SPTBN4: variants seen among roughly 807,000 people sequenced by gnomAD.
The protein encoded by SPTBN4 is spectrin beta chain, non-erythrocytic 4.
A neutral mutation model predicts 277.8 loss-of-function variants in SPTBN4; 96 were observed. The observed-to-expected ratio is 0.35, with a 90% confidence interval of 0.29 to 0.41. The LOEUF is 0.41. Among genes scored for constraint, SPTBN4 ranks in the 10% least tolerant of loss-of-function variants. SPTBN4 has a pLI of 1.00. For synonymous variants in SPTBN4, 1,481 were observed against 1,580.3 expected (o/e 0.94, Z 1.49); for missense variants, 3,006 against 3,595.7 (o/e 0.84, Z 4.19).
chr19:40,569,989 GAC>G (rs59218483), intron 32 of SPTBN4, among the ~76,000 whole-genome samples: 1,546 of 107,254 alleles, frequency 0.014, 25 homozygotes, highest in African/African-American at 0.052. Flanking sequence ...CACACACACA[GAC>G]ACACACACAC....
intron 20 of SPTBN4, among the ~76,000 whole-genome samples, chr19:40,545,240 C>T (rs1212356107): frequency 6.6e-6 from 1 of 151,872 alleles, no homozygotes; most frequent in Admixed American, 6.6e-5. Context: ...GGATTACAGG[C>T]GTGCATCACC....
In SPTBN4 at chr19:40,504,481, A is replaced by G. The variant is rs372907639; in HGVS notation, c.1665+349A>G. On this transcript the variant is annotated intron_variant, in intron 12 of 35. Coordinates refer to ENST00000598249, the MANE Select transcript of SPTBN4 (RefSeq NM_020971.3). ...CAGCAGTTTCAGACCAGCCTGGCCA[A>G]CATGGTGAAACCCCATCTCTACTAA... Among the ~76,000 whole-genome samples the G allele has an allele frequency of 6.6e-4, 101 of 152,162 alleles. 2 individuals carry two copies. The highest frequency in any genetic ancestry group is 7.2e-4 in the Admixed American group (11 of 15,256).
At chr19:40,510,291 GT>G (rs911828228) in intron 13 of SPTBN4, among the ~76,000 whole-genome samples, 18 of 148,366 alleles carry the variant, frequency 1.2e-4, no homozygotes, top group East Asian at 9.9e-4. Context: ...CATGGAAGCT[GT>G]TTTTTTTTTG....
intron 20 of SPTBN4, among the ~76,000 whole-genome samples, chr19:40,538,730 A>G (rs1227092077): frequency 6.6e-6 from 1 of 152,062 alleles, no homozygotes; most frequent in Non-Finnish European, 1.5e-5. Flanking sequence ...TGGGACTACA[A>G]GCGTGTGCCA....
chr19:40,504,124 G>A lies in SPTBN4; in HGVS notation c.1657G>A (p.Glu553Lys). Reference protein sequence around the residue: ...EMVYMVDWMEEMQAQLLSREC... With the variant: ...EMVYMVDWMEKMQAQLLSREC... ...GGTGTACATGGTGGACTGGATGGAG[G>A]AGATGCAGGTGCCGGCGGGGGGGCG... is the stretch of plus-strand genomic sequence containing the variant. Residue 553 changes from glutamate (E) to lysine (K), a missense_variant, in exon 12 of 36, where the codon GAG becomes AAG. Transcript: ENST00000598249. The A allele has an allele frequency of 6.9e-7, 1 of 1,445,246 alleles. No homozygotes were observed. Among genetic ancestry groups the A allele is most frequent in the Non-Finnish European group, 9.5e-7 (1 of 1,056,246 alleles). 89.5% of individuals were successfully genotyped at this position (1,445,246 alleles called of 1,614,324 possible).
At chr19:40,504,886 A>C (rs2080307663) in intron 12 of SPTBN4, among the ~76,000 whole-genome samples, 1 of 152,004 alleles carries the variant, frequency 6.6e-6, no homozygotes, top group African/African-American at 2.4e-5. Context: ...AGACATAGAG[A>C]TATAGAAACA....
At chr19:40,533,867 CTCT>C (rs1007150047) in intron 19 of SPTBN4, among the ~76,000 whole-genome samples, 21 of 152,082 alleles carry the variant, frequency 1.4e-4, no homozygotes. Context: ...GTCTGTCTCT[CTCT>C]TCTTGTCTCT....
At chr19:40,487,913 C>A in intron 3 of SPTBN4, 65 bp downstream of exon 3, 1 of 1,491,810 alleles carries the variant, frequency 6.7e-7, no homozygotes, top group African/African-American at 1.4e-5. Context: ...GGTTGGGCTT[C>A]TCTGGAAGGG....
chr19:40,508,415 G>A (rs1275192348), intron 13 of SPTBN4, among the ~76,000 whole-genome samples: 1 of 152,148 alleles, frequency 6.6e-6, no homozygotes, highest in Non-Finnish European at 1.5e-5. Flanking sequence ...GGCTAGGCGC[G>A]GTGGCTCACG....
In SPTBN4 at chr19:40,569,961, C is replaced by G. The variant is rs573975889; in HGVS notation, c.7026+235C>G. Among the ~76,000 whole-genome samples, 8 of 145,868 alleles carry G rather than the reference C, an allele frequency of 5.5e-5. No homozygotes were observed. The East Asian group carries it at 6.0e-4, about 11-fold the overall frequency. On this transcript the variant is annotated intron_variant, in intron 32 of 35. Coordinates refer to ENST00000598249, the MANE Select transcript of SPTBN4 (RefSeq NM_020971.3). ...CCACACACACACACACACACACACA[C>G]ACACACACACACAGACACACACACA...
At chr19:40,469,160 A>G (rs1170947071) in intron 1 of SPTBN4, among the ~76,000 whole-genome samples, 3 of 151,682 alleles carry the variant, frequency 2.0e-5, no homozygotes, top group Admixed American at 6.6e-5. Context: ...TACTCACTCT[A>G]CTGACCAAGA....
chr19:40,477,814 A>G (rs953883963), intron 2 of SPTBN4, among the ~76,000 whole-genome samples: 2 of 152,076 alleles, frequency 1.3e-5, no homozygotes, highest in African/African-American at 4.8e-5. Flanking sequence ...GGAGTAAATG[A>G]TGATGGGAGA....
At chr19:40,505,749 AG>A (rs1241966888) in intron 12 of SPTBN4, among the ~76,000 whole-genome samples, 5 of 151,356 alleles carry the variant, frequency 3.3e-5, no homozygotes, top group African/African-American at 1.2e-4. Flanking sequence ...GAAGGAAGGA[AG>A]GAAGAAAGAA....
chr19:40,489,780 T>TA (rs11400235), intron 3 of SPTBN4, among the ~76,000 whole-genome samples: 26,617 of 151,994 alleles, frequency 0.18, 3,309 homozygotes, highest in African/African-American at 0.36. Flanking sequence ...GGCTTCATGA[T>TA]GGGGGCGTGG....
At chr19:40,475,787 T>G (rs1352086194) in intron 2 of SPTBN4, among the ~76,000 whole-genome samples, 2 of 150,232 alleles carry the variant, frequency 1.3e-5, no homozygotes. Flanking sequence ...TCTAGAAACC[T>G]GTAGTCCCAG....
chr19:40,554,279 T>G lies in SPTBN4; in HGVS notation c.4807T>G (p.Trp1603Gly), dbSNP rs1256068654. 6.5e-7 allele frequency: 1 copy of G among 1,536,386 alleles called. No homozygotes were observed. Among genetic ancestry groups the G allele is most frequent in the Non-Finnish European group, 8.7e-7 (1 of 1,147,574 alleles). Reference sequence around the variant, plus strand: ...GGGCCTGGAGCAGCTGCAGAGCGCCTGGGCCGGACTGCGGGAGGCTGCCGA... The same window carrying G: ...GGGCCTGGAGCAGCTGCAGAGCGCCGGGGCCGGACTGCGGGAGGCTGCCGA... Reference protein sequence around the residue: ...RRGLEQLQSAWAGLREAAERR... With the variant: ...RRGLEQLQSAGAGLREAAERR... The change falls in exon 23 of 36, where the codon TGG becomes GGG. Residue 1603 changes from tryptophan to glycine, a missense_variant. Coordinates refer to ENST00000598249, the MANE Select transcript of SPTBN4 (RefSeq NM_020971.3). The surrounding 1 kb of genome is among the most constrained non-coding windows in gnomAD (Gnocchi z 5.7).
chr19:40,569,852 G>C (rs1599824170), intron 32 of SPTBN4, 126 bp downstream of exon 32: 5 of 879,384 alleles, frequency 5.7e-6, no homozygotes, highest in Non-Finnish European at 8.3e-6. Context: ...TGCAGAGACA[G>C]CATGGACTCT....
At chr19:40,512,494 C>A in intron 13 of SPTBN4, 112 bp from the exon 14 acceptor site, 1 of 1,335,876 alleles carries the variant, frequency 7.5e-7, no homozygotes, top group Non-Finnish European at 9.7e-7. Context: ...AGCCACGTGA[C>A]CCGGCATCTG....
At chr19:40,472,537 G>A in intron 1 of SPTBN4, 70 bp from the exon 2 acceptor site, 1 of 1,399,174 alleles carries the variant, frequency 7.1e-7, no homozygotes, top group Non-Finnish European at 9.6e-7. Context: ...AGAGGGGACA[G>A]GACTCAAAGC....
Sources: allele counts gnomAD v4.1 joint callset (sites outside exome capture counted in the v4.1 genomes callset), GRCh38; gene constraint gnomAD v4.1.1; non-coding constraint Gnocchi (gnomAD v3.1); transcripts MANE v1.5; gene names NCBI Gene and HGNC (gene_info 2026-07-23, HGNC 2026-07-21).